Variants in PANK1 observed in about 807,000 individuals in gnomAD.
PANK1 encodes pantothenate kinase 1.
In PANK1, 18 loss-of-function variants were observed where a neutral mutation model predicts 40.1. The observed-to-expected ratio is 0.45, with a 90% CI of 0.31 to 0.67. The LOEUF (loss-of-function observed/expected upper bound fraction) is 0.67. PANK1 is among the 30% of genes least tolerant of loss of function. PANK1 has a pLI of 0.06. For synonymous variants in PANK1, 242 were observed against 237.7 expected (o/e 1.02, Z -0.17); for missense variants, 457 against 599.6 (o/e 0.76, Z 2.48).
At chr10:89,586,247 T>C (rs894495118) in intron 6 of PANK1, among the ~76,000 whole-genome samples, 5 of 152,234 alleles carry the variant, frequency 3.3e-5, no homozygotes, top group Non-Finnish European at 7.3e-5. Context: ...CACCCTGTAT[T>C]TTTTATTGCT....
At chr10:89,618,001 A>G (rs1845371992) in intron 1 of PANK1, among the ~76,000 whole-genome samples, 1 of 152,226 alleles carries the variant, frequency 6.6e-6, no homozygotes, top group African/African-American at 2.4e-5. Context: ...GCTCCAACGC[A>G]GGCATATTCT....
chr10:89,614,328 G>C (rs1217517503), intron 1 of PANK1, among the ~76,000 whole-genome samples: 1 of 152,136 alleles, frequency 6.6e-6, no homozygotes, highest in East Asian at 1.9e-4. Flanking sequence ...CATAAAAAAA[G>C]CACAAGTATT....
At chr10:89,609,646 C>T (rs1331919053) in intron 2 of PANK1, among the ~76,000 whole-genome samples, 1 of 152,200 alleles carries the variant, frequency 6.6e-6, no homozygotes, top group African/African-American at 2.4e-5. Context: ...ATACAGAAGG[C>T]AGTTCATAGA....
intron 1 of PANK1, among the ~76,000 whole-genome samples, chr10:89,618,893 T>C (rs1316529723): frequency 6.6e-6 from 1 of 152,228 alleles, no homozygotes; most frequent in African/African-American, 2.4e-5. Flanking sequence ...ACTTGTGTTG[T>C]AAGAAATAAA....
At position 89,640,518 on chromosome 10, in the gene PANK1, T is replaced by C. The variant is rs575259317; in HGVS notation, c.292+4082A>G. ...AGCTGCACTATCTAGAGAAAAGGTC[T>C]ACTTAGAAATTCTGTATGCCACAGT... On this transcript the variant is annotated intron_variant, in intron 1 of 6. Coordinates refer to ENST00000307534, the MANE Select transcript of PANK1 (RefSeq NM_148977.3). Among the ~76,000 whole-genome samples the C allele has an allele frequency of 8.4e-4, 128 of 152,306 alleles. No individual in the cohort carries two copies. The Middle Eastern group carries it at 0.017, about 20-fold the overall frequency.
At chr10:89,615,175 T>A (rs1845279341) in intron 1 of PANK1, among the ~76,000 whole-genome samples, 1 of 152,078 alleles carries the variant, frequency 6.6e-6, no homozygotes, top group Admixed American at 6.6e-5. Context: ...AATTACATAA[T>A]AATGGAAAAT....
At chr10:89,587,647 C>T (rs543251095) in intron 6 of PANK1, among the ~76,000 whole-genome samples, 54 of 152,262 alleles carry the variant, frequency 3.5e-4, no homozygotes, top group Non-Finnish European at 6.2e-4. Context: ...GGACTCCAAT[C>T]GGAGAAACCA....
At chr10:89,623,302 A>G (rs1292153956) in intron 1 of PANK1, among the ~76,000 whole-genome samples, 1 of 152,090 alleles carries the variant, frequency 6.6e-6, no homozygotes, top group Non-Finnish European at 1.5e-5. Context: ...GCTCACTGCA[A>G]GCTCCGCCTC....
chr10:89,620,025 T>A (rs554705752), intron 1 of PANK1, among the ~76,000 whole-genome samples: 2 of 152,184 alleles, frequency 1.3e-5, no homozygotes, highest in African/African-American at 4.8e-5. Flanking sequence ...GAAGATTTCA[T>A]GGACATTTAT....
chr10:89,599,223 G>C, intron 3 of PANK1, 29 bp downstream of exon 3: 2 of 1,598,416 alleles, frequency 1.3e-6, no homozygotes, highest in Non-Finnish European at 1.7e-6. Flanking sequence ...AAGAGGTCTG[G>C]GTTCAAGCAC....
At chr10:89,630,738 C>T (rs567236786) in intron 1 of PANK1, among the ~76,000 whole-genome samples, 174 of 152,320 alleles carry the variant, frequency 1.1e-3, no homozygotes, top group Admixed American at 3.9e-3. Context: ...GTGATCCGCC[C>T]GCCTCGGCCT....
downstream of PANK1, chr10:89,581,671 C>A (rs910587876): frequency 5.9e-5 from 9 of 152,352 alleles, no homozygotes; most frequent in African/African-American, 2.2e-4. Context: ...GCCTCGGCCT[C>A]CCAAAGTGCT....
chr10:89,644,080 G>C (rs900957955), intron 1 of PANK1: 2 of 243,972 alleles, frequency 8.2e-6, no homozygotes, highest in African/African-American at 4.5e-5. Context: ...TGATTTTGGG[G>C]GGTAGTTAAA....
intron 2 of PANK1, among the ~76,000 whole-genome samples, chr10:89,606,919 G>A (rs1399617039): frequency 6.6e-6 from 1 of 152,224 alleles, no homozygotes; most frequent in African/African-American, 2.4e-5. Flanking sequence ...TTTGGCTTAA[G>A]GGAATGTTGT....
chr10:89,614,884 A>G (rs12411659), intron 1 of PANK1, among the ~76,000 whole-genome samples: 5,663 of 152,224 alleles, frequency 0.037, 412 homozygotes, highest in East Asian at 0.28. Context: ...AATGCCTAGA[A>G]GTGTAAACAA....
intron 1 of PANK1, among the ~76,000 whole-genome samples, chr10:89,629,316 C>T (rs1311509607): frequency 6.6e-6 from 1 of 152,076 alleles, no homozygotes; most frequent in Non-Finnish European, 1.5e-5. Context: ...AAGTGACAGG[C>T]ATTGTAGTTA....
chr10:89,582,975 T>C (rs538887917), downstream of PANK1: 1 of 152,240 alleles, frequency 6.6e-6, no homozygotes, highest in Admixed American at 6.5e-5. Flanking sequence ...AAATAACATA[T>C]ACACTAAAAA....
chr10:89,587,530 C>A (rs1193853083), intron 6 of PANK1, among the ~76,000 whole-genome samples: 1 of 152,244 alleles, frequency 6.6e-6, no homozygotes, highest in East Asian at 1.9e-4. Flanking sequence ...ATTCTGCAAC[C>A]AATTTACTTC....
At chr10:89,608,678 C>A (rs181582330) in intron 2 of PANK1, among the ~76,000 whole-genome samples, 49 of 152,270 alleles carry the variant, frequency 3.2e-4, no homozygotes, top group Non-Finnish European at 1.8e-4. Context: ...TTTTCAAACT[C>A]CTATCTGCAA....
Sources: gnomAD v4.1 joint callset for allele counts (sites outside exome capture counted in the v4.1 genomes callset) on GRCh38, gnomAD v4.1.1 for gene constraint, MANE v1.5 for transcripts, NCBI Gene and HGNC (gene_info 2026-07-23, HGNC 2026-07-21) for gene names.